The following KANK3 variants were observed in gnomAD, a reference collection of about 807,000 sequenced individuals.
KANK3 encodes the protein KN motif and ankyrin repeat domain-containing protein 3.
A neutral mutation model predicts 65.4 loss-of-function variants in KANK3; 61 were observed. The ratio of observed to expected loss-of-function variants is 0.93; its 90% confidence interval spans 0.76 to 1.15. The LOEUF (loss-of-function observed/expected upper bound fraction) is 1.15. Among genes scored for constraint, KANK3 ranks in the 50% most tolerant of loss-of-function variants. The pLI is 0.00. For missense variants in KANK3, 1,187 were observed against 1,178.8 expected (o/e 1.01, Z -0.10); for synonymous variants, 586 against 543.3 (o/e 1.08, Z -1.09).
chr19:8,331,926 A>G (rs932953166), intron 7 of KANK3, among the ~76,000 whole-genome samples: 1 of 151,794 alleles, frequency 6.6e-6, no homozygotes, highest in Non-Finnish European at 1.5e-5. Context: ...CTCCAGCTGC[A>G]AAGTAGGAGG....
At chr19:8,338,427 A>G (rs1970678596) in intron 1 of KANK3, among the ~76,000 whole-genome samples, 1 of 152,184 alleles carries the variant, frequency 6.6e-6, no homozygotes, top group South Asian at 2.1e-4. Flanking sequence ...AAGGTGACCA[A>G]GAAAACAAGG....
chr19:8,334,120 G>C lies in KANK3; in HGVS notation c.1428-4C>G, dbSNP rs1425787858. 4 of 1,508,118 alleles carry C rather than the reference G, an allele frequency of 2.7e-6. No homozygotes were observed. Among genetic ancestry groups the C allele is most frequent in the Non-Finnish European group, 3.5e-6 (4 of 1,127,912 alleles). The allele number at this position is 1,508,118 out of a possible 1,614,324, so 93.4% of individuals were successfully genotyped here. A position where few individuals can be genotyped will look rare whatever the true frequency, so the allele number is the denominator to read the frequency against. ...CTCGCTGGAGGAGCTCTCGTACCTG[G>C]GGGCAGGGTGGGAGGTGTCTGCTAA... On this transcript the variant is annotated splice_polypyrimidine_tract_variant and splice_region_variant and intron_variant, in intron 4 of 10. Coordinates refer to ENST00000330915, the MANE Select transcript of KANK3 (RefSeq NM_198471.3).
intron 7 of KANK3, among the ~76,000 whole-genome samples, chr19:8,327,724 G>A (rs1970454146): frequency 6.6e-6 from 1 of 152,138 alleles, no homozygotes; most frequent in South Asian, 2.1e-4. Context: ...AGCCTGGGAG[G>A]TTGAGGCTGC....
At position 8,334,845 on chromosome 19, in the gene KANK3, C is replaced by T; in HGVS notation, c.982G>A (p.Glu328Lys). ...GCCTCCACGGTCTCGGGGGCAGCCT[C>T]CACGCCGGCCTCCCGGGTCTCCGGC... ...AVPETREAGV[E>K]AAPETVEADA... The change falls in exon 3 of 11, where the codon GAG (glutamate) becomes AAG (lysine). Residue 328 changes from glutamate (E) to lysine (K), a missense_variant. Coordinates refer to ENST00000330915, the MANE Select transcript of KANK3 (RefSeq NM_198471.3). The T allele has an allele frequency of 8.2e-6, 12 of 1,471,906 alleles. No homozygotes were observed. Among genetic ancestry groups the T allele is most frequent in the Non-Finnish European group, 1.1e-5 (12 of 1,120,990 alleles). The allele number at this position is 1,471,906 out of a possible 1,614,324, so 91.2% of individuals were successfully genotyped here. A position where few individuals can be genotyped will look rare whatever the true frequency, so the allele number is the denominator to read the frequency against.
chr19:8,326,792 A>G (rs1249877989), intron 7 of KANK3, among the ~76,000 whole-genome samples: 1 of 131,090 alleles, frequency 7.6e-6, no homozygotes, highest in Non-Finnish European at 1.6e-5. Context: ...GCTAGACTCC[A>G]TCTCTCAGAA....
rs1970604765 is a variant in KANK3, at chr19:8,334,947, G to T, written c.880C>A (p.Leu294Ile). 1 of 1,490,562 alleles carries T rather than the reference G, an allele frequency of 6.7e-7. No homozygotes were observed. Among genetic ancestry groups the T allele is most frequent in the East Asian group, 2.9e-5 (1 of 34,928 alleles). 92.3% of individuals were successfully genotyped at this position (1,490,562 alleles called of 1,614,324 possible). ...LQVLDGEVGSLDGTPQTREVA... is the reference protein window; with the variant it reads ...LQVLDGEVGSIDGTPQTREVA... The stretch of plus-strand genomic sequence containing the variant: ...TCCCGGGTCTGGGGCGTCCCATCGA[G>T]ACTCCCGACCTCCCCGTCGAGGACC... Residue 294 changes from leucine to isoleucine, a missense_variant, in exon 3 of 11, where the codon CTC (leucine) becomes ATC (isoleucine). Leu to Ile is a conservative substitution (Grantham distance 5). Coordinates refer to ENST00000330915, the MANE Select transcript of KANK3 (RefSeq NM_198471.3).
chr19:8,338,063 C>T (rs1970673549), intron 1 of KANK3: 1 of 780,268 alleles, frequency 1.3e-6, no homozygotes. Flanking sequence ...GCTCTGTCAC[C>T]CAGGCTGGAG....
At chr19:8,335,838 A>G (rs1970628614) in intron 2 of KANK3, 46 bp from the exon 3 acceptor site, 7 of 1,195,506 alleles carry the variant, frequency 5.9e-6, no homozygotes, top group Non-Finnish European at 7.3e-6. Context: ...AGAACGGGGA[A>G]ACCCGGGAGA....
chr19:8,338,760 A>G (rs1407979936), intron 1 of KANK3, among the ~76,000 whole-genome samples: 1 of 151,280 alleles, frequency 6.6e-6, no homozygotes, highest in Admixed American at 6.6e-5. Flanking sequence ...CTGTAGTCCC[A>G]GCTACTCGGG....
chr19:8,337,770 C>G (rs777904191), intron 2 of KANK3, 25 bp downstream of exon 2: 3 of 1,611,738 alleles, frequency 1.9e-6, no homozygotes, highest in Non-Finnish European at 2.5e-6. Context: ...CACACACACA[C>G]ACATCTCTCT....
chr19:8,331,366 C>T (rs914246683), intron 7 of KANK3, among the ~76,000 whole-genome samples: 3 of 107,234 alleles, frequency 2.8e-5, no homozygotes, highest in African/African-American at 9.3e-5. Context: ...CATTCACTGT[C>T]CCCTGTCTCC....
chr19:8,324,192 G>A (rs1970376257), intron 10 of KANK3, among the ~76,000 whole-genome samples: 1 of 152,170 alleles, frequency 6.6e-6, no homozygotes, highest in African/African-American at 2.4e-5. Context: ...AGGATGCTGA[G>A]GCAGAAGGAT....
At chr19:8,326,736 G>A (rs1970436040) in intron 7 of KANK3, among the ~76,000 whole-genome samples, 1 of 150,820 alleles carries the variant, frequency 6.6e-6, no homozygotes, top group African/African-American at 2.4e-5. Context: ...GACGGAGCTT[G>A]CAGTGAGCCG....
intron 1 of KANK3, among the ~76,000 whole-genome samples, chr19:8,341,639 C>A (rs2913965): frequency 0.16 from 24,757 of 152,056 alleles, 2,256 homozygotes; most frequent in Non-Finnish European, 0.21. Flanking sequence ...TCAAACCAGG[C>A]GTGAGCCGTG....
In KANK3 at chr19:8,335,429, G is replaced by T. The variant is rs1244694827; in HGVS notation, c.398C>A (p.Thr133Lys). 1 of 1,215,780 alleles carries T rather than the reference G, an allele frequency of 8.2e-7. No homozygotes were observed. The highest frequency in any genetic ancestry group is 3.7e-5 in the South Asian group (1 of 26,752). 75.3% of individuals were successfully genotyped at this position (1,215,780 alleles called of 1,614,324 possible). A position where few individuals can be genotyped will look rare whatever the true frequency, so the allele number is the denominator to read the frequency against. ...APVRNPRVEH[T>K]LRETSRRLEL... ...CAGCCGCCGGCTGGTCTCCCGGAGCGTGTGCTCGACGCGCGGGTTGCGCAC... is the reference window on the plus strand; with the variant it reads ...CAGCCGCCGGCTGGTCTCCCGGAGCTTGTGCTCGACGCGCGGGTTGCGCAC... Residue 133 changes from threonine (T) to lysine (K), a missense_variant, in exon 3 of 11, where the codon ACG becomes AAG. Coordinates refer to ENST00000330915, the MANE Select transcript of KANK3 (RefSeq NM_198471.3).
In KANK3 at chr19:8,335,726, T is replaced by G. The variant is rs1413964681; in HGVS notation, c.101A>C (p.Tyr34Ser). 8.0e-7 allele frequency: 1 copy of G among 1,245,886 alleles called. No individual in the cohort carries two copies. The highest frequency in any genetic ancestry group is 3.2e-5 in the East Asian group (1 of 31,674). The allele number at this position is 1,245,886 out of a possible 1,614,324, so 77.2% of individuals were successfully genotyped here. The change falls in exon 3 of 11, where the codon TAC becomes TCC. Residue 34 changes from tyrosine (Y) to serine (S), a missense_variant. Around this residue, in one of 3 missense-constraint regions of KANK3, gnomAD observed 104 missense variants for 122.1 expected, o/e 0.85. Coordinates refer to ENST00000330915, the MANE Select transcript of KANK3 (RefSeq NM_198471.3). ...AGGARSPSSPYSVETPYGFHL... is the reference protein window; with the variant it reads ...AGGARSPSSPSSVETPYGFHL... Reference sequence around the variant, plus strand: ...GAAGCCGTAGGGCGTCTCCACCGAGTAGGGCGAGCTCGGGCTGCGTGCGCC... The same window carrying G: ...GAAGCCGTAGGGCGTCTCCACCGAGGAGGGCGAGCTCGGGCTGCGTGCGCC...
intron 7 of KANK3, among the ~76,000 whole-genome samples, chr19:8,331,303 C>T (rs1254642752): frequency 6.6e-6 from 1 of 152,118 alleles, no homozygotes; most frequent in East Asian, 1.9e-4. Flanking sequence ...ACTTCCTTGC[C>T]GCAGCCCCAG....
At chr19:8,341,297 TAGCTCACTGTGGCCTTG>T (rs1168150813) in intron 1 of KANK3, among the ~76,000 whole-genome samples, 4 of 150,626 alleles carry the variant, frequency 2.7e-5, no homozygotes, top group Non-Finnish European at 4.4e-5. Context: ...GGCTCGATCA[TAGCTCACTGTGGCCTTG>T]AACCCCTGAG....
intron 7 of KANK3, among the ~76,000 whole-genome samples, chr19:8,326,137 A>C (rs1458375963): frequency 6.6e-6 from 1 of 151,978 alleles, no homozygotes; most frequent in African/African-American, 2.4e-5. Flanking sequence ...CAACAATTCA[A>C]AATGAATTTG....
Sources: gnomAD v4.1 joint callset for allele counts (sites outside exome capture counted in the v4.1 genomes callset) on GRCh38, gnomAD v4.1.1 for gene constraint, gnomAD v4.1.1 regional missense constraint, MANE v1.5 for transcripts, NCBI Gene and HGNC (gene_info 2026-07-23, HGNC 2026-07-21) for gene names.